Variants in SYT16 observed in about 807,000 individuals in gnomAD.
SYT16 encodes synaptotagmin-16.
A neutral mutation model predicts 61.4 loss-of-function variants in SYT16; 42 were observed. That is an observed-to-expected ratio of 0.68 (90% CI 0.53 to 0.89). The LOEUF (loss-of-function observed/expected upper bound fraction) is 0.89, where lower values mean the gene tolerates loss of function less well. SYT16 is among the 40% of genes least tolerant of loss of function. The pLI, the probability that SYT16 is intolerant of heterozygous loss-of-function variation, is 0.00. For synonymous variants in SYT16, 314 were observed against 302.3 expected (o/e 1.04, Z -0.40); for missense variants, 804 against 807.3 (o/e 1.00, Z 0.05).
intron 1 of SYT16, among the ~76,000 whole-genome samples, chr14:61,900,905 T>G (rs1302899109): frequency 6.6e-6 from 1 of 152,198 alleles, no homozygotes; most frequent in South Asian, 2.1e-4. Context: ...GTGTGGGGCT[T>G]CTTACCAAAA....
Position 62,075,339 on chromosome 14 carries a change from G to A in SYT16, c.941G>A (p.Arg314Gln), listed in dbSNP as rs757417718. ...GAGATGGAGACAGCTTTTAATAGCC[G>A]GGGATTTGAAGATTCCTATGCCACT... The part of the protein sequence containing the change: ...SLEMETAFNS[R>Q]GFEDSYATDS... Residue 314 changes from arginine (R) to glutamine (Q), a missense_variant, in exon 5 of 8, where the codon CGG (arginine) becomes CAG (glutamine). Coordinates refer to ENST00000683842, the MANE Select transcript of SYT16 (RefSeq NM_001367656.1). 9 of 1,613,650 alleles carry A rather than the reference G, an allele frequency of 5.6e-6. No individual in the cohort carries two copies. The highest frequency in any genetic ancestry group is 4.0e-5 in the African/African-American group (3 of 74,880).
intron 1 of SYT16, among the ~76,000 whole-genome samples, chr14:61,831,402 G>A (rs188792741): frequency 6.6e-6 from 1 of 152,064 alleles, no homozygotes; most frequent in African/African-American, 2.4e-5. Context: ...GTCTTCCTCC[G>A]GTTGATTTTA....
At chr14:62,028,576 G>T (rs2054188346) in intron 3 of SYT16, among the ~76,000 whole-genome samples, 1 of 152,036 alleles carries the variant, frequency 6.6e-6, no homozygotes, top group African/African-American at 2.4e-5. Flanking sequence ...AGGTGAGTTG[G>T]AAAAATTTTT....
At chr14:62,075,486 C>T in intron 5 of SYT16, 95 bp downstream of exon 5, 4 of 1,161,820 alleles carry the variant, frequency 3.4e-6, no homozygotes, top group Non-Finnish European at 4.7e-6. Flanking sequence ...AAAAAAAATT[C>T]CAGAAAGGAA....
intron 7 of SYT16, among the ~76,000 whole-genome samples, chr14:62,084,605 G>T (rs1027719940): frequency 6.6e-6 from 1 of 152,184 alleles, no homozygotes; most frequent in Non-Finnish European, 1.5e-5. Flanking sequence ...AGACTGGCCT[G>T]TGTGTCTATA....
At chr14:61,832,345 G>A (rs959441991) in intron 1 of SYT16, 1 of 574,024 alleles carries the variant, frequency 1.7e-6, no homozygotes, top group Non-Finnish European at 3.5e-6. Context: ...TTGCCAACTA[G>A]GCTAACTACC....
chr14:61,816,655 A>G (rs1356255380), intron 1 of SYT16, among the ~76,000 whole-genome samples: 1 of 152,186 alleles, frequency 6.6e-6, no homozygotes, highest in African/African-American at 2.4e-5. Context: ...AATTTCCCCC[A>G]GGACAACCCA....
At chr14:61,940,469 G>A (rs2050164235) in intron 1 of SYT16, among the ~76,000 whole-genome samples, 1 of 152,026 alleles carries the variant, frequency 6.6e-6, no homozygotes, top group Non-Finnish European at 1.5e-5. Flanking sequence ...GATTAAAATA[G>A]GGTCTTGAGC....
chr14:61,831,871 C>T, intron 1 of SYT16: 2 of 456,440 alleles, frequency 4.4e-6, no homozygotes, highest in Non-Finnish European at 8.5e-6. Context: ...TCACTTCTTC[C>T]ACTCGTTCTT....
chr14:62,068,761 A>AACACAC (rs71449578), intron 3 of SYT16, among the ~76,000 whole-genome samples: 6 of 150,992 alleles, frequency 4.0e-5, no homozygotes, highest in African/African-American at 1.5e-4. Flanking sequence ...AATGAGTTAA[A>AACACAC]ACACACACAC....
At chr14:62,044,055 G>A (rs964426118) in intron 3 of SYT16, among the ~76,000 whole-genome samples, 2 of 151,980 alleles carry the variant, frequency 1.3e-5, no homozygotes, top group African/African-American at 2.4e-5. Context: ...TTTTATGGGG[G>A]TCTTTTTCAA....
At chr14:61,979,214 A>ATTG (rs2051950298) in intron 2 of SYT16, among the ~76,000 whole-genome samples, 1 of 152,188 alleles carries the variant, frequency 6.6e-6, no homozygotes, top group South Asian at 2.1e-4. Flanking sequence ...TATTATTATT[A>ATTG]TTATTTTTGG....
intron 1 of SYT16, among the ~76,000 whole-genome samples, chr14:61,823,635 C>T (rs935692718): frequency 2.0e-5 from 3 of 151,020 alleles, no homozygotes; most frequent in African/African-American, 7.3e-5. Context: ...ACCTGTAACC[C>T]TAGGTACTCG....
At chr14:61,898,293 C>A (rs2048395851) in intron 1 of SYT16, among the ~76,000 whole-genome samples, 2 of 152,294 alleles carry the variant, frequency 1.3e-5, no homozygotes, top group Admixed American at 6.5e-5. Context: ...TAGATATAGA[C>A]CTTTTAACCA....
At chr14:61,904,098 C>T (rs1566666866) in intron 1 of SYT16, among the ~76,000 whole-genome samples, 1 of 152,138 alleles carries the variant, frequency 6.6e-6, no homozygotes, top group Non-Finnish European at 1.5e-5. Context: ...GATACTTGGC[C>T]GAATCCTATG....
chr14:62,003,240 A>T (rs1390082788), intron 3 of SYT16, among the ~76,000 whole-genome samples: 1 of 151,852 alleles, frequency 6.6e-6, no homozygotes, highest in Non-Finnish European at 1.5e-5. Flanking sequence ...CCCCTTCCTC[A>T]TGACTGTATC....
At chr14:62,055,105 C>T (rs551492662) in intron 3 of SYT16, among the ~76,000 whole-genome samples, 2 of 152,244 alleles carry the variant, frequency 1.3e-5, no homozygotes, top group East Asian at 3.9e-4. Flanking sequence ...GGAAAGAAAG[C>T]AAGAACAACC....
At chr14:61,867,963 A>AT (rs2047212444) in intron 1 of SYT16, among the ~76,000 whole-genome samples, 1 of 152,062 alleles carries the variant, frequency 6.6e-6, no homozygotes, top group Non-Finnish European at 1.5e-5. Context: ...GTTGAATTAC[A>AT]TTGAGTTTTG....
intron 2 of SYT16, among the ~76,000 whole-genome samples, chr14:61,995,032 G>A (rs1429704277): frequency 6.6e-6 from 1 of 152,142 alleles, no homozygotes; most frequent in Non-Finnish European, 1.5e-5. Context: ...GATGAACACT[G>A]TAATAGCAAT....
Sources: allele counts gnomAD v4.1 joint callset (sites outside exome capture counted in the v4.1 genomes callset), GRCh38; gene constraint gnomAD v4.1.1; transcripts MANE v1.5; gene names NCBI Gene and HGNC (gene_info 2026-07-23, HGNC 2026-07-21).